FXR1: variants seen among roughly 807,000 people sequenced by gnomAD.
FXR1 encodes RNA-binding protein FXR1.
A neutral mutation model predicts 84.0 loss-of-function variants in FXR1; 15 were observed. The observed-to-expected ratio is 0.18, with a 90% CI of 0.12 to 0.27. The LOEUF (loss-of-function observed/expected upper bound fraction) is 0.27, where lower values mean the gene tolerates loss of function less well. Ranked by LOEUF, FXR1 falls within the 10% of genes least tolerant of loss-of-function variation. FXR1 has a pLI of 1.00. For missense variants in FXR1, 480 were observed against 774.4 expected (o/e 0.62, Z 4.51); for synonymous variants, 245 against 250.7 (o/e 0.98, Z 0.21).
chr3:180,970,383 A>AATATATATATATATATATATATATAT (rs56345724), intron 15 of FXR1, 25 bp downstream of exon 15: 4 of 366,378 alleles, frequency 1.1e-5, no homozygotes, highest in Non-Finnish European at 2.1e-5. Context: ...AGGGAAGAGA[A>AATATATATATATATATATATATATAT]ATATATATAT....
chr3:180,945,049 A>G (rs909453621), intron 3 of FXR1, among the ~76,000 whole-genome samples: 2 of 152,264 alleles, frequency 1.3e-5, no homozygotes, highest in African/African-American at 4.8e-5. Context: ...GCTCACTGTT[A>G]TACATGAACC....
At chr3:180,970,380 AG>A in intron 15 of FXR1, 22 bp downstream of exon 15, 1 of 573,354 alleles carries the variant, frequency 1.7e-6, no homozygotes, top group Non-Finnish European at 3.2e-6. Context: ...CTTAGGGAAG[AG>A]AAATATATAT....
chr3:180,941,398 G>T (rs892891926), intron 3 of FXR1, among the ~76,000 whole-genome samples: 19 of 151,952 alleles, frequency 1.3e-4, no homozygotes, highest in African/African-American at 4.4e-4. Flanking sequence ...TTGCCATGGT[G>T]CCCAAGCGAG....
At chr3:180,957,514 A>G in intron 9 of FXR1, 1 of 206,608 alleles carries the variant, frequency 4.8e-6, no homozygotes, top group East Asian at 1.1e-4. Flanking sequence ...AATGGGTTGG[A>G]TATTTTAAAA....
chr3:180,921,066 T>G (rs1718526798), intron 1 of FXR1, among the ~76,000 whole-genome samples: 1 of 152,130 alleles, frequency 6.6e-6, no homozygotes. Context: ...TTTTTTTTCT[T>G]ATTAGAGCTT....
chr3:180,945,409 CT>C (rs199551051), intron 3 of FXR1, among the ~76,000 whole-genome samples: 1 of 152,008 alleles, frequency 6.6e-6, no homozygotes, highest in Non-Finnish European at 1.5e-5. Flanking sequence ...TTTATTTTAC[CT>C]TTTTTTTCCC....
intron 15 of FXR1, among the ~76,000 whole-genome samples, chr3:180,972,701 G>A (rs1045234524): frequency 3.3e-5 from 5 of 152,214 alleles, no homozygotes; most frequent in Non-Finnish European, 1.5e-5. Context: ...TGCAACTTGA[G>A]TAGTTTGGAG....
intron 15 of FXR1, among the ~76,000 whole-genome samples, chr3:180,975,068 C>G (rs1233331743): frequency 1.3e-5 from 2 of 151,944 alleles, no homozygotes; most frequent in Non-Finnish European, 2.9e-5. Flanking sequence ...AAGCAAATAG[C>G]TGGATTCTTG....
rs1721939590 is a variant in FXR1 at position 180,948,824 on chromosome 3, T to C, written c.513+10T>C. 6.1e-6 allele frequency: 7 copies of C among 1,151,580 alleles called. No homozygotes were observed. The highest frequency in any genetic ancestry group is 9.2e-6 in the Non-Finnish European group (7 of 761,876). 71.3% of individuals were successfully genotyped at this position (1,151,580 alleles called of 1,614,324 possible). On this transcript the variant is annotated intron_variant, in intron 6 of 16. Coordinates refer to ENST00000357559, the MANE Select transcript of FXR1 (RefSeq NM_005087.4). ...ACAGCTAATGATACTGGTAAGATAG[T>C]ACCATATTATAAGGTAGCTTATTAA...
intron 1 of FXR1, among the ~76,000 whole-genome samples, chr3:180,932,075 C>CAAAAAAAAA (rs4042648): frequency 0.27 from 21,305 of 78,408 alleles, 3,740 homozygotes; most frequent in Non-Finnish European, 0.31. Flanking sequence ...TTGTAAGTTT[C>CAAAAAAAAA]AAAAAAAAAA....
chr3:180,947,139 A>T (rs528152081), intron 3 of FXR1, among the ~76,000 whole-genome samples: 69 of 151,998 alleles, frequency 4.5e-4, no homozygotes, highest in Middle Eastern at 3.4e-3. Flanking sequence ...TGCATCCTCC[A>T]CCCTCTGGAC....
Position 180,945,088 on chromosome 3 carries a change from TAGC to T in FXR1, c.199-2774_199-2772del, listed in dbSNP as rs758109471. 1.2e-4 allele frequency among the ~76,000 whole-genome samples: 18 copies of T among 152,380 alleles called. No individual in the cohort carries two copies. In the South Asian group the frequency reaches 2.7e-3, roughly 23 times the overall value. ...AACATACCAATCTTATAAATATTGA[TAGC>T]AGATTTAAAATATATCTCTAATAAA... On this transcript the variant is annotated intron_variant, in intron 3 of 16. Coordinates refer to ENST00000357559, the MANE Select transcript of FXR1 (RefSeq NM_005087.4).
At chr3:180,914,756 A>G in intron 1 of FXR1, 1 of 917,740 alleles carries the variant, frequency 1.1e-6, no homozygotes, top group Non-Finnish European at 1.3e-6. Context: ...TTAGACTTTG[A>G]CTCCATTACT....
At chr3:180,952,795 T>A (rs1722357163) in intron 8 of FXR1, among the ~76,000 whole-genome samples, 1 of 151,728 alleles carries the variant, frequency 6.6e-6, no homozygotes, top group South Asian at 2.1e-4. Flanking sequence ...TAATTTGAGC[T>A]ATGGTTTTAA....
At chr3:180,936,328 A>C (rs1720521481) in intron 3 of FXR1, among the ~76,000 whole-genome samples, 1 of 151,692 alleles carries the variant, frequency 6.6e-6, no homozygotes, top group South Asian at 2.1e-4. Flanking sequence ...AGTTCAATGG[A>C]GCAATCTCAG....
rs770241316 is a variant in FXR1, at chr3:180,949,223, A to T, written c.514-4A>T. 4.9e-6 allele frequency: 7 copies of T among 1,438,890 alleles called. No homozygotes were observed. Among genetic ancestry groups the T allele is most frequent in the Non-Finnish European group, 6.9e-6 (7 of 1,020,028 alleles). 89.1% of individuals were successfully genotyped at this position (1,438,890 alleles called of 1,614,324 possible). A position where few individuals can be genotyped will look rare whatever the true frequency, so the allele number is the denominator to read the frequency against. ...TTTTGAGTAATTAGCTTGTTTGTTT[A>T]TAGTCTGCCAGTGAAGCAACTGTGA... On this transcript the variant is annotated splice_polypyrimidine_tract_variant and splice_region_variant and intron_variant, in intron 6 of 16. Transcript: ENST00000357559.
intron 15 of FXR1, chr3:180,971,507 A>C (rs1253311278): frequency 6.6e-6 from 1 of 152,618 alleles, no homozygotes; most frequent in East Asian, 1.9e-4. Flanking sequence ...TGATTGGCAA[A>C]ACTGGGCAGC....
intron 8 of FXR1, among the ~76,000 whole-genome samples, chr3:180,953,363 T>C (rs1161501301): frequency 6.6e-6 from 1 of 152,156 alleles, no homozygotes; most frequent in African/African-American, 2.4e-5. Flanking sequence ...AATAAATAAA[T>C]CAGACAATTT....
chr3:180,915,598 C>G, intron 1 of FXR1: 2 of 905,500 alleles, frequency 2.2e-6, no homozygotes, highest in Non-Finnish European at 1.8e-6. Flanking sequence ...TAGTGTATTT[C>G]TTTGGTTTTT....
Sources: gnomAD v4.1 joint callset for allele counts (sites outside exome capture counted in the v4.1 genomes callset) on GRCh38, gnomAD v4.1.1 for gene constraint, MANE v1.5 for transcripts, NCBI Gene and HGNC (gene_info 2026-07-23, HGNC 2026-07-21) for gene names.